Variants in EPB41L4B observed in about 807,000 individuals in gnomAD.
The protein encoded by EPB41L4B is erythrocyte membrane protein band 4.1 like 4B.
A neutral mutation model predicts 112.5 loss-of-function variants in EPB41L4B; 30 were observed. The observed-to-expected ratio is 0.27, with a 90% CI of 0.20 to 0.36. EPB41L4B has a LOEUF of 0.36. EPB41L4B is among the 10% of genes least tolerant of loss of function. The pLI, the probability that EPB41L4B is intolerant of heterozygous loss-of-function variation, is 1.00. For synonymous variants in EPB41L4B, 408 were observed against 439.7 expected, an observed-to-expected ratio of 0.93 and a Z score of 0.90; for missense variants, 1,024 against 1,133.3, an observed-to-expected ratio of 0.90 and a Z score of 1.38.
chr9:109,201,541 T>C (rs577478233), intron 19 of EPB41L4B, among the ~76,000 whole-genome samples: 15 of 151,604 alleles, frequency 9.9e-5, no homozygotes, highest in Admixed American at 3.9e-4. Context: ...ATACTCATGG[T>C]TTCCTCAAGC....
chr9:109,252,606 C>G (rs1834830863), intron 12 of EPB41L4B, among the ~76,000 whole-genome samples: 1 of 152,094 alleles, frequency 6.6e-6, no homozygotes, highest in Admixed American at 6.6e-5. Flanking sequence ...GTAGAGGTAC[C>G]AAGTCCCATG....
chr9:109,240,861 T>G (rs959235241), intron 15 of EPB41L4B: 4 of 985,440 alleles, frequency 4.1e-6, no homozygotes, highest in Non-Finnish European at 4.8e-6. Context: ...GCAGCACCAA[T>G]CATTAAGACA....
intron 22 of EPB41L4B, among the ~76,000 whole-genome samples, chr9:109,186,862 C>T (rs1832290085): frequency 6.6e-6 from 1 of 152,180 alleles, no homozygotes; most frequent in Admixed American, 6.5e-5. Flanking sequence ...TGACCCATGA[C>T]GAGATGCATG....
At chr9:109,235,314 A>G (rs1342134241) in intron 15 of EPB41L4B, among the ~76,000 whole-genome samples, 1 of 148,958 alleles carries the variant, frequency 6.7e-6, no homozygotes, top group East Asian at 2.0e-4. Flanking sequence ...GGAACCAAAC[A>G]CCCCTTTCCC....
At position 109,212,835 on chromosome 9, in the gene EPB41L4B, T is replaced by C. The variant is rs574533228; in HGVS notation, c.1752+865A>G. The stretch of plus-strand genomic sequence containing the variant: ...GACATTTTTGGTTGTCACAACTGGA[T>C]GGGGGTCCCTAGTGGCATTTAGTGC... On this transcript the variant is annotated intron_variant, in intron 17 of 25. Coordinates refer to ENST00000374566, the MANE Select transcript of EPB41L4B (RefSeq NM_019114.5). 1.2e-4 allele frequency among the ~76,000 whole-genome samples: 18 copies of C among 152,346 alleles called. No individual in the cohort carries two copies. The South Asian group carries it at 1.7e-3, about 14-fold the overall frequency.
chr9:109,266,706 A>T (rs993922295), intron 4 of EPB41L4B, among the ~76,000 whole-genome samples: 4 of 152,130 alleles, frequency 2.6e-5, no homozygotes, highest in African/African-American at 9.7e-5. Flanking sequence ...AGTGGCTCAC[A>T]CCTGTAATCC....
intron 1 of EPB41L4B, among the ~76,000 whole-genome samples, chr9:109,312,994 G>C (rs766351158): frequency 5.3e-5 from 8 of 152,226 alleles, no homozygotes; most frequent in Non-Finnish European, 1.2e-4. Flanking sequence ...TAATCCCAGA[G>C]CTTTGGGAGG....
At chr9:109,307,015 G>GTTTTTTT (rs534923556) in intron 1 of EPB41L4B, among the ~76,000 whole-genome samples, 4 of 124,512 alleles carry the variant, frequency 3.2e-5, no homozygotes, top group African/African-American at 6.0e-5. Context: ...TGCTGCAGTT[G>GTTTTTTT]TTTTTTTTTT....
chr9:109,228,519 C>A (rs1588151947), intron 15 of EPB41L4B, among the ~76,000 whole-genome samples: 2 of 152,302 alleles, frequency 1.3e-5, no homozygotes, highest in South Asian at 2.1e-4. Context: ...TTGAGCTAAT[C>A]AAAAAGCAGT....
At chr9:109,240,269 G>A (rs1834307528) in intron 15 of EPB41L4B, 2 of 985,422 alleles carry the variant, frequency 2.0e-6, no homozygotes, top group Non-Finnish European at 2.4e-6. Context: ...CTGAGCATCA[G>A]AACGTCTGCT....
At chr9:109,187,665 G>C (rs1832318065) in intron 22 of EPB41L4B, among the ~76,000 whole-genome samples, 1 of 152,048 alleles carries the variant, frequency 6.6e-6, no homozygotes, top group Admixed American at 6.5e-5. Flanking sequence ...CAGGCCACTG[G>C]GTCTTTTCTT....
intron 15 of EPB41L4B, among the ~76,000 whole-genome samples, chr9:109,233,126 G>A (rs371537690): frequency 2.0e-5 from 3 of 152,202 alleles, no homozygotes; most frequent in Admixed American, 1.3e-4. Context: ...CTTATAACAT[G>A]AGCCTACAGG....
intron 15 of EPB41L4B, among the ~76,000 whole-genome samples, chr9:109,242,935 G>A (rs775593024): frequency 7.9e-5 from 12 of 151,228 alleles, no homozygotes; most frequent in Admixed American, 2.6e-4. Context: ...AAGGATTATG[G>A]TAGGTTGGGG....
At chr9:109,233,830 C>T (rs967643169) in intron 15 of EPB41L4B, among the ~76,000 whole-genome samples, 10 of 152,144 alleles carry the variant, frequency 6.6e-5, no homozygotes, top group African/African-American at 2.4e-4. Context: ...CCACGCTTAG[C>T]CTGGAAACCT....
At chr9:109,246,113 G>C (rs1400669896) in intron 14 of EPB41L4B, among the ~76,000 whole-genome samples, 1 of 152,154 alleles carries the variant, frequency 6.6e-6, no homozygotes, top group Non-Finnish European at 1.5e-5. Flanking sequence ...CAAGATTCAA[G>C]AACCCTGGCC....
intron 19 of EPB41L4B, among the ~76,000 whole-genome samples, chr9:109,202,362 C>T (rs1564262197): frequency 6.6e-6 from 1 of 152,238 alleles, no homozygotes; most frequent in East Asian, 1.9e-4. Context: ...TAATAGTTCC[C>T]CAGAGCAGTG....
At chr9:109,196,527 G>C (rs1038306597) in intron 20 of EPB41L4B, among the ~76,000 whole-genome samples, 2 of 152,064 alleles carry the variant, frequency 1.3e-5, no homozygotes, top group African/African-American at 4.8e-5. Context: ...AGACCAGCCT[G>C]GGCAACATGG....
At chr9:109,209,811 C>T (rs1833102285) in intron 17 of EPB41L4B, among the ~76,000 whole-genome samples, 1 of 152,092 alleles carries the variant, frequency 6.6e-6, no homozygotes, top group Non-Finnish European at 1.5e-5. Flanking sequence ...TATCATTATC[C>T]CCAGTTTATA....
chr9:109,293,395 T>C (rs1471892695), intron 1 of EPB41L4B, among the ~76,000 whole-genome samples: 1 of 147,204 alleles, frequency 6.8e-6, no homozygotes, highest in Non-Finnish European at 1.5e-5. Context: ...TTTTTTTTTT[T>C]CCTTGAGACG....
Sources: gnomAD v4.1 joint callset for allele counts (sites outside exome capture counted in the v4.1 genomes callset) on GRCh38, gnomAD v4.1.1 for gene constraint, MANE v1.5 for transcripts, NCBI Gene and HGNC (gene_info 2026-07-23, HGNC 2026-07-21) for gene names.